The following ROBO2 variants were observed in gnomAD, a reference collection of about 807,000 sequenced individuals.
ROBO2 encodes the protein roundabout guidance receptor 2.
In ROBO2, 53 loss-of-function variants were observed where a neutral mutation model predicts 160.8. The observed-to-expected ratio is 0.33, with a 90% CI of 0.26 to 0.41. The LOEUF is 0.41. Ranked by LOEUF, ROBO2 falls within the 10% of genes least tolerant of loss-of-function variation. The pLI, the probability that ROBO2 is intolerant of heterozygous loss-of-function variation, is 1.00. For missense variants in ROBO2, 1,577 were observed against 1,722.4 expected (o/e 0.92, Z 1.49); for synonymous variants, 664 against 611.7 (o/e 1.09, Z -1.26).
chr3:76,166,635 C>T (rs977591384), intron 2 of ROBO2, among the ~76,000 whole-genome samples: 1 of 151,976 alleles, frequency 6.6e-6, no homozygotes, highest in African/African-American at 2.4e-5. Context: ...GCTATAATTT[C>T]CAGTTAAATT....
At chr3:76,825,506 A>G (rs1391586255) in intron 2 of ROBO2, among the ~76,000 whole-genome samples, 1 of 150,962 alleles carries the variant, frequency 6.6e-6, no homozygotes, top group Non-Finnish European at 1.5e-5. Context: ...ACCCTCAGCA[A>G]ATTCCTTATC....
chr3:76,107,423 C>T (rs1257491005), intron 2 of ROBO2, among the ~76,000 whole-genome samples: 1 of 152,136 alleles, frequency 6.6e-6, no homozygotes, highest in African/African-American at 2.4e-5. Context: ...TAGAACAACT[C>T]TCAGAGAACC....
chr3:76,524,826 TAAAAAAAAA>T (rs58091252), intron 2 of ROBO2, among the ~76,000 whole-genome samples: 42 of 21,712 alleles, frequency 1.9e-3, no homozygotes, highest in East Asian at 0.01. Flanking sequence ...CTCTTATTCC[TAAAAAAAAA>T]AAAAAAAAAA....
intron 2 of ROBO2, among the ~76,000 whole-genome samples, chr3:77,122,105 C>A (rs1470419564): frequency 6.6e-6 from 1 of 152,060 alleles, no homozygotes; most frequent in Non-Finnish European, 1.5e-5. Flanking sequence ...GGATTGATCT[C>A]TTTGTGAATA....
At chr3:76,279,447 T>A (rs967877175) in intron 2 of ROBO2, among the ~76,000 whole-genome samples, 1 of 151,926 alleles carries the variant, frequency 6.6e-6, no homozygotes, top group African/African-American at 2.4e-5. Flanking sequence ...CATTGAATAT[T>A]CTACCACTAT....
chr3:76,386,276 A>G (rs2076876480), intron 2 of ROBO2, among the ~76,000 whole-genome samples: 1 of 151,882 alleles, frequency 6.6e-6, no homozygotes. Flanking sequence ...AATGCAAACT[A>G]GACCTTTCTT....
chr3:77,315,204 A>G (rs1242597643), intron 2 of ROBO2, among the ~76,000 whole-genome samples: 1 of 152,154 alleles, frequency 6.6e-6, no homozygotes, highest in Non-Finnish European at 1.5e-5. Flanking sequence ...TCTTATTTGC[A>G]GAACAGTCTT....
At chr3:77,425,417 G>A (rs1320667601) in intron 2 of ROBO2, among the ~76,000 whole-genome samples, 1 of 152,104 alleles carries the variant, frequency 6.6e-6, no homozygotes, top group Non-Finnish European at 1.5e-5. Flanking sequence ...TTTTGGAGGT[G>A]GCCAAAGATG....
chr3:76,001,622 T>G (rs2065891718), intron 2 of ROBO2, among the ~76,000 whole-genome samples: 1 of 152,048 alleles, frequency 6.6e-6, no homozygotes, highest in Admixed American at 6.6e-5. Context: ...ACTGCAGCCT[T>G]GACTTTCTGG....
Position 77,427,430 on chromosome 3 carries a change from A to C in ROBO2, c.389-49984A>C, listed in dbSNP as rs2078318010. ...ACTGAAGAAATTGAAGTGAGCTTAAATAATTTGTAGAAGTTCACGTATCTC... is the reference window on the plus strand; with the variant it reads ...ACTGAAGAAATTGAAGTGAGCTTAACTAATTTGTAGAAGTTCACGTATCTC... On this transcript the variant is annotated intron_variant, in intron 2 of 25. Transcript: ENST00000461745. 2.0e-5 allele frequency among the ~76,000 whole-genome samples: 3 copies of C among 152,322 alleles called. No homozygotes were observed. The South Asian group carries it at 6.2e-4, about 32-fold the overall frequency.
At chr3:77,004,815 C>T (rs2061498607) in intron 2 of ROBO2, among the ~76,000 whole-genome samples, 1 of 152,158 alleles carries the variant, frequency 6.6e-6, no homozygotes, top group Non-Finnish European at 1.5e-5. Flanking sequence ...CTCCATCCGC[C>T]TTAGCACCTT....
At chr3:76,348,549 G>A (rs932261408) in intron 2 of ROBO2, among the ~76,000 whole-genome samples, 11 of 152,104 alleles carry the variant, frequency 7.2e-5, no homozygotes, top group Admixed American at 2.0e-4. Context: ...ATCAGCAAAA[G>A]CAAGGGTAAA....
At chr3:76,614,403 T>G (rs554626466) in intron 2 of ROBO2, among the ~76,000 whole-genome samples, 48 of 152,192 alleles carry the variant, frequency 3.2e-4, no homozygotes, top group African/African-American at 1.1e-3. Context: ...CGAGAGAGCT[T>G]GTTAGTACCT....
At chr3:76,429,021 G>A (rs780099751) in intron 2 of ROBO2, among the ~76,000 whole-genome samples, 2 of 152,110 alleles carry the variant, frequency 1.3e-5, no homozygotes, top group African/African-American at 2.4e-5. Flanking sequence ...CCAACACTTC[G>A]TAGGATGAAA....
intron 2 of ROBO2, among the ~76,000 whole-genome samples, chr3:76,206,192 G>T (rs1575866985): frequency 6.6e-6 from 1 of 152,070 alleles, no homozygotes; most frequent in South Asian, 2.1e-4. Flanking sequence ...TGACCTGGCT[G>T]CCCCAAAGCC....
At chr3:77,269,896 A>G (rs2059380546) in intron 2 of ROBO2, among the ~76,000 whole-genome samples, 1 of 152,134 alleles carries the variant, frequency 6.6e-6, no homozygotes, top group South Asian at 2.1e-4. Flanking sequence ...TTCTTTTAAA[A>G]ATAAACTAAA....
chr3:76,855,610 GTTTTCCT>G (rs1276360594), intron 2 of ROBO2, among the ~76,000 whole-genome samples: 1 of 152,052 alleles, frequency 6.6e-6, no homozygotes, highest in Non-Finnish European at 1.5e-5. Context: ...GCAACTTAAT[GTTTTCCT>G]TTTTCCTTCT....
At chr3:75,994,091 C>G (rs1379898710) in intron 2 of ROBO2, among the ~76,000 whole-genome samples, 1 of 151,996 alleles carries the variant, frequency 6.6e-6, no homozygotes, top group East Asian at 1.9e-4. Flanking sequence ...AGGAACCTTC[C>G]AAGTATAGGG....
chr3:76,124,759 AT>A (rs1386738714), intron 2 of ROBO2, among the ~76,000 whole-genome samples: 1 of 152,132 alleles, frequency 6.6e-6, no homozygotes, highest in African/African-American at 2.4e-5. Context: ...TATTACATAT[AT>A]TTTTTTCTGA....
Sources: gnomAD v4.1 joint callset for allele counts (sites outside exome capture counted in the v4.1 genomes callset) on GRCh38, gnomAD v4.1.1 for gene constraint, MANE v1.5 for transcripts, NCBI Gene and HGNC (gene_info 2026-07-23, HGNC 2026-07-21) for gene names.